GPR146: variants seen among roughly 807,000 people sequenced by gnomAD.
GPR146 encodes the protein G-protein coupled receptor 146.
For missense variants in GPR146, 381 were observed against 213.9 expected (o/e 1.78, Z -4.87); for synonymous variants, 203 against 104.3 (o/e 1.95, Z -5.77).
At chr7:1,045,155 C>T (rs931788165) in intron 1 of GPR146, among the ~76,000 whole-genome samples, 3 of 152,212 alleles carry the variant, frequency 2.0e-5, no homozygotes, top group Non-Finnish European at 2.9e-5. Flanking sequence ...GCTCTCCAGC[C>T]GCCAAACCAC....
At chr7:1,049,368 A>G (rs1412698413) in intron 1 of GPR146, among the ~76,000 whole-genome samples, 2 of 152,208 alleles carry the variant, frequency 1.3e-5, no homozygotes, top group South Asian at 4.1e-4. Flanking sequence ...TGTGCTTCAC[A>G]TGGGTTGGTT....
At chr7:1,057,400 C>T in intron 1 of GPR146, 92 bp from the exon 2 acceptor site, 2 of 609,058 alleles carry the variant, frequency 3.3e-6, no homozygotes, top group South Asian at 1.9e-5. Context: ...GCGATTACTG[C>T]ACCAGGAGAA....
intron 1 of GPR146, among the ~76,000 whole-genome samples, chr7:1,051,518 G>A (rs1353809085): frequency 6.6e-6 from 1 of 152,156 alleles, no homozygotes; most frequent in East Asian, 1.9e-4. Context: ...CTCCTCTCCT[G>A]TCCACTGCTG....
At chr7:1,048,890 G>C (rs1289855372) in intron 1 of GPR146, among the ~76,000 whole-genome samples, 5 of 152,242 alleles carry the variant, frequency 3.3e-5, no homozygotes, top group African/African-American at 1.2e-4. Context: ...GCAATGAATA[G>C]AGGCCAGGGA....
At chr7:1,053,625 C>T (rs1027796793) in intron 1 of GPR146, among the ~76,000 whole-genome samples, 2 of 152,136 alleles carry the variant, frequency 1.3e-5, no homozygotes, top group African/African-American at 2.4e-5. Context: ...GTCGGGAGTT[C>T]GAGATCAGCC....
In GPR146 at chr7:1,058,714, T is replaced by G. The variant is rs1373140232; in HGVS notation, c.*197T>G. The G allele has an allele frequency of 4.3e-5, 26 of 598,660 alleles. No homozygotes were observed. The highest frequency in any genetic ancestry group is 7.0e-5 in the Non-Finnish European group (23 of 328,626). The allele number at this position is 598,660 out of a possible 1,614,324, so 37.1% of individuals were successfully genotyped here. On this transcript the variant is annotated 3_prime_UTR_variant, in exon 2 of 2. Coordinates refer to ENST00000444847, the MANE Select transcript of GPR146 (RefSeq NM_001303473.2). Reference sequence around the variant, plus strand: ...TGGTCCCCGTGGCTGGCATCTGGCTTGAGTCTCCCCGAGGCCTGTGCGTCT... The same window carrying G: ...TGGTCCCCGTGGCTGGCATCTGGCTGGAGTCTCCCCGAGGCCTGTGCGTCT...
rs140289241 is a variant in GPR146 at position 1,058,177 on chromosome 7, A to G, written c.662A>G (p.Asp221Gly). 4.8e-3 allele frequency: 3,587 copies of G among 740,280 alleles called. 31 individuals are homozygous for G. Among genetic ancestry groups the G allele is most frequent in the Non-Finnish European group, 7.5e-3 (3,038 of 403,896 alleles). The allele number at this position is 740,280 out of a possible 1,614,324, so 45.9% of individuals were successfully genotyped here. A position where few individuals can be genotyped will look rare whatever the true frequency, so the allele number is the denominator to read the frequency against. ...SRVRREDTPLDRDTGRLEPSA... is the reference protein window; with the variant it reads ...SRVRREDTPLGRDTGRLEPSA... ...GTCCGCAGGGAGGACACGCCCCTGG[A>G]CCGGGACACGGGCCGGCTGGAGCCC... Residue 221 changes from aspartate to glycine, a missense_variant, in exon 2 of 2, where the codon GAC (aspartate) becomes GGC (glycine). Coordinates refer to ENST00000444847, the MANE Select transcript of GPR146 (RefSeq NM_001303473.2).
In GPR146 at chr7:1,057,993, T is replaced by C. The variant is rs1238250392; in HGVS notation, c.478T>C (p.Phe160Leu). ...GTGGGGTGGCGCGCTGCTGACCAGC[T>C]TCTCCTCGCTGCTCTTCTACATCTG... ...FVWGGALLTS[F>L]SSLLFYICSH... The change falls in exon 2 of 2, where the codon TTC (phenylalanine) becomes CTC (leucine). Residue 160 changes from phenylalanine (F) to leucine (L), a missense_variant. Coordinates refer to ENST00000444847, the MANE Select transcript of GPR146 (RefSeq NM_001303473.2). The C allele has an allele frequency of 5.2e-6, 4 of 770,260 alleles. No homozygotes were observed. The highest frequency in any genetic ancestry group is 9.6e-6 in the Non-Finnish European group (4 of 417,908). 47.7% of individuals were successfully genotyped at this position (770,260 alleles called of 1,614,324 possible).
At chr7:1,050,851 AC>A (rs1334846708) in intron 1 of GPR146, among the ~76,000 whole-genome samples, 1 of 152,142 alleles carries the variant, frequency 6.6e-6, no homozygotes, top group Non-Finnish European at 1.5e-5. Context: ...GGGACCAGGA[AC>A]CCAGAAGGCT....
At chr7:1,055,781 G>A (rs928601252) in intron 1 of GPR146, among the ~76,000 whole-genome samples, 11 of 152,120 alleles carry the variant, frequency 7.2e-5, no homozygotes, top group Admixed American at 4.6e-4. Flanking sequence ...CAGCCCTCCC[G>A]CTCCGATCTT....
chr7:1,053,358 A>AC (rs1783346346), intron 1 of GPR146, among the ~76,000 whole-genome samples: 1 of 152,116 alleles, frequency 6.6e-6, no homozygotes, highest in Non-Finnish European at 1.5e-5. Flanking sequence ...GCAGGACAGG[A>AC]CCCCGGCTAA....
intron 1 of GPR146, among the ~76,000 whole-genome samples, chr7:1,054,863 CTGTGCCTCTGA>C (rs1209259787): frequency 5.9e-5 from 9 of 152,264 alleles, no homozygotes; most frequent in Non-Finnish European, 1.5e-5. Context: ...TCGGCCTCCG[CTGTGCCTCTGA>C]GGACTCCTGT....
rs1784027611 is a variant in GPR146, at chr7:1,057,994, TCTC to T, written c.483_485del (p.Ser162del). 1.3e-6 allele frequency: 1 copy of T among 770,418 alleles called. No individual in the cohort carries two copies. Among genetic ancestry groups the T allele is most frequent in the South Asian group, 1.3e-5 (1 of 74,624 alleles). The allele number at this position is 770,418 out of a possible 1,614,324, so 47.7% of individuals were successfully genotyped here. A position where few individuals can be genotyped will look rare whatever the true frequency, so the allele number is the denominator to read the frequency against. ...TGGGGTGGCGCGCTGCTGACCAGCT[TCTC>T]CTCGCTGCTCTTCTACATCTGCAGC... is the stretch of plus-strand genomic sequence containing the variant. On this transcript the variant is annotated inframe_deletion, in exon 2 of 2. Coordinates refer to ENST00000444847, the MANE Select transcript of GPR146 (RefSeq NM_001303473.2).
chr7:1,048,122 C>G (rs980079373), intron 1 of GPR146, among the ~76,000 whole-genome samples: 4 of 152,160 alleles, frequency 2.6e-5, no homozygotes, highest in East Asian at 3.9e-4. Flanking sequence ...ATGTCAAGGA[C>G]GAGCCAGTGT....
At position 1,058,361 on chromosome 7, in the gene GPR146, A is replaced by T. The variant is rs775434146; in HGVS notation, c.846A>T (p.Lys282Asn). 1.3e-6 allele frequency: 1 copy of T among 779,154 alleles called. No homozygotes were observed. The highest frequency in any genetic ancestry group is 1.7e-5 in the Admixed American group (1 of 58,990). The allele number at this position is 779,154 out of a possible 1,614,324, so 48.3% of individuals were successfully genotyped here. ...GLLHFVKDFS[K>N]LLAFSSSFVT... ...TGCACTTTGTGAAGGATTTCTCCAAACTCCTGGCCTTCTCCAGCAGCTTTG... is the reference window on the plus strand; with the variant it reads ...TGCACTTTGTGAAGGATTTCTCCAATCTCCTGGCCTTCTCCAGCAGCTTTG... The change falls in exon 2 of 2, where the codon AAA becomes AAT. Residue 282 changes from lysine to asparagine, a missense_variant. Coordinates refer to ENST00000444847, the MANE Select transcript of GPR146 (RefSeq NM_001303473.2).
chr7:1,051,822 G>A (rs1361464840), intron 1 of GPR146, among the ~76,000 whole-genome samples: 1 of 152,164 alleles, frequency 6.6e-6, no homozygotes, highest in African/African-American at 2.4e-5. Flanking sequence ...AACGTTAAAT[G>A]AAAACATTAG....
rs758572892 is a variant in GPR146 at position 1,057,902 on chromosome 7, C to T, written c.387C>T (p.Ile129=). ...CCCTGCTGAGCCTCGACCACTACATCGAGCGTGCACTGCCGCGGACCTACA... is the reference window on the plus strand; with the variant it reads ...CCCTGCTGAGCCTCGACCACTACATTGAGCGTGCACTGCCGCGGACCTACA... ...STALLSLDHY[I]ERALPRTYMA... is the part of the protein sequence containing the mutation. The change falls in exon 2 of 2, where the codon ATC becomes ATT. Residue 129 remains isoleucine, a synonymous_variant. Transcript: ENST00000444847. The T allele has an allele frequency of 5.5e-5, 43 of 776,130 alleles. No homozygotes were observed. Among genetic ancestry groups the T allele is most frequent in the Admixed American group, 3.0e-4 (18 of 59,026 alleles). The allele number at this position is 776,130 out of a possible 1,614,324, so 48.1% of individuals were successfully genotyped here.
At chr7:1,057,200 G>C (rs369138757) in intron 1 of GPR146, among the ~76,000 whole-genome samples, 7 of 152,148 alleles carry the variant, frequency 4.6e-5, no homozygotes, top group Non-Finnish European at 1.0e-4. Context: ...CCCAGGCCTC[G>C]CAGCAGCCCG....
chr7:1,051,075 C>A (rs555558859), intron 1 of GPR146, among the ~76,000 whole-genome samples: 1 of 152,286 alleles, frequency 6.6e-6, no homozygotes, highest in African/African-American at 2.4e-5. Context: ...GCCACCCCTG[C>A]GTCGCAGAGG....
Sources: gnomAD v4.1 joint callset for allele counts (sites outside exome capture counted in the v4.1 genomes callset) on GRCh38, gnomAD v4.1.1 for gene constraint, MANE v1.5 for transcripts, NCBI Gene and HGNC (gene_info 2026-07-23, HGNC 2026-07-21) for gene names.